DAB1: variants seen among roughly 807,000 people sequenced by gnomAD.
DAB1 encodes disabled homolog 1.
A neutral mutation model predicts 64.6 loss-of-function variants in DAB1; 15 were observed. That is an observed-to-expected ratio of 0.23 (90% CI 0.16 to 0.36). The LOEUF is 0.36. DAB1 is among the 10% of genes least tolerant of loss of function. The pLI is 1.00. For missense variants in DAB1, 596 were observed against 706.7 expected, an observed-to-expected ratio of 0.84 and a Z score of 1.78; for synonymous variants, 235 against 251.9, an observed-to-expected ratio of 0.93 and a Z score of 0.64.
At chr1:57,031,867 C>G (rs982485628) in intron 9 of DAB1, among the ~76,000 whole-genome samples, 12 of 152,184 alleles carry the variant, frequency 7.9e-5, no homozygotes, top group Admixed American at 5.2e-4. Context: ...AGAGATGTAG[C>G]TGGAGATGGC....
chr1:57,306,371 A>G (rs1345182893), intron 1 of DAB1, among the ~76,000 whole-genome samples: 1 of 152,196 alleles, frequency 6.6e-6, no homozygotes, highest in Admixed American at 6.5e-5. Flanking sequence ...TTCTAATAAG[A>G]TGCAAGAAAG....
chr1:58,412,945 G>C (rs1353911246), intron 3 of DAB1, among the ~76,000 whole-genome samples: 1 of 152,202 alleles, frequency 6.6e-6, no homozygotes, highest in Non-Finnish European at 1.5e-5. Flanking sequence ...AATGAAGAGA[G>C]ACCTATTTAA....
intron 3 of DAB1, among the ~76,000 whole-genome samples, chr1:58,401,688 T>C (rs1358935695): frequency 6.6e-6 from 1 of 152,232 alleles, no homozygotes; most frequent in Non-Finnish European, 1.5e-5. Flanking sequence ...TGATGAAGGT[T>C]GATTGAATGA....
intron 1 of DAB1, among the ~76,000 whole-genome samples, chr1:57,335,168 AC>A (rs1445123612): frequency 3.9e-5 from 6 of 152,210 alleles, no homozygotes; most frequent in Non-Finnish European, 5.9e-5. Flanking sequence ...TCTTCTGGAG[AC>A]AGGAAAATAC....
chr1:57,720,729 T>A (rs1647140628), intron 6 of DAB1, among the ~76,000 whole-genome samples: 1 of 152,254 alleles, frequency 6.6e-6, no homozygotes, highest in African/African-American at 2.4e-5. Context: ...TTATTTATTT[T>A]TCTTGTCATC....
intron 5 of DAB1, among the ~76,000 whole-genome samples, chr1:58,083,394 T>C (rs1361723782): frequency 6.6e-6 from 1 of 152,236 alleles, no homozygotes; most frequent in Non-Finnish European, 1.5e-5. Context: ...GGCACTCTAG[T>C]ATTATGAAGG....
intron 3 of DAB1, among the ~76,000 whole-genome samples, chr1:58,451,918 T>C (rs1384312187): frequency 7.1e-6 from 1 of 140,140 alleles, no homozygotes; most frequent in Non-Finnish European, 1.5e-5. Context: ...TTTTTTTCTT[T>C]CCTTTTTTTT....
At chr1:57,564,271 C>T (rs1291983988) in intron 7 of DAB1, among the ~76,000 whole-genome samples, 1 of 152,134 alleles carries the variant, frequency 6.6e-6, no homozygotes, top group Non-Finnish European at 1.5e-5. Flanking sequence ...ACATCCACAC[C>T]AAAACCCCAT....
At chr1:57,432,476 A>G (rs1421144518) in intron 7 of DAB1, among the ~76,000 whole-genome samples, 3 of 152,222 alleles carry the variant, frequency 2.0e-5, no homozygotes, top group Non-Finnish European at 4.4e-5. Context: ...AACTGGAAAA[A>G]AAATGCTTTC....
At chr1:57,236,421 C>T (rs901247692) in intron 2 of DAB1, among the ~76,000 whole-genome samples, 2 of 152,006 alleles carry the variant, frequency 1.3e-5, no homozygotes, top group Non-Finnish European at 2.9e-5. Context: ...AAAGAAGGGG[C>T]CAACTTGTAG....
intron 6 of DAB1, among the ~76,000 whole-genome samples, chr1:57,707,433 C>T (rs1471832443): frequency 6.7e-6 from 1 of 149,826 alleles, no homozygotes; most frequent in Non-Finnish European, 1.5e-5. Context: ...TATTGAGGGG[C>T]ATTTTGTTTA....
intron 1 of DAB1, among the ~76,000 whole-genome samples, chr1:58,529,429 T>C (rs1462326337): frequency 1.3e-5 from 2 of 152,252 alleles, no homozygotes; most frequent in African/African-American, 4.8e-5. Flanking sequence ...ACTTTCAGTA[T>C]TACAGTGTTT....
intron 4 of DAB1, among the ~76,000 whole-genome samples, chr1:57,076,673 T>C (rs887186283): frequency 2.0e-5 from 3 of 152,238 alleles, no homozygotes; most frequent in African/African-American, 7.2e-5. Context: ...TGCCCTGGCC[T>C]GCGCTTCATC....
At chr1:58,185,831 T>C (rs1657043818) in intron 4 of DAB1, among the ~76,000 whole-genome samples, 1 of 152,166 alleles carries the variant, frequency 6.6e-6, no homozygotes, top group African/African-American at 2.4e-5. Context: ...CTCTACAATC[T>C]ATATGACCTT....
chr1:57,401,688 G>A (rs190076956), intron 1 of DAB1, among the ~76,000 whole-genome samples: 69 of 152,260 alleles, frequency 4.5e-4, no homozygotes, highest in Non-Finnish European at 9.1e-4. Flanking sequence ...GAATATGTAG[G>A]TCCAGAGAGC....
intron 1 of DAB1, among the ~76,000 whole-genome samples, chr1:57,408,485 A>G (rs1350619693): frequency 6.6e-6 from 1 of 152,138 alleles, no homozygotes; most frequent in Non-Finnish European, 1.5e-5. Flanking sequence ...TTTTACCACT[A>G]AATGAGTTAC....
At position 57,683,300 on chromosome 1, in the gene DAB1, C is replaced by T. The variant is rs541666043; in HGVS notation, n.552-33635G>A. 1.2e-4 allele frequency among the ~76,000 whole-genome samples: 18 copies of T among 152,242 alleles called. No individual in the cohort carries two copies. In the South Asian group the frequency reaches 3.7e-3, roughly 32 times the overall value. Reference sequence around the variant, plus strand: ...TGCCCGAGCGAGCCCCACAACCTGGCACACTAACAAAAGAAACATGAGTGC... The same window carrying T: ...TGCCCGAGCGAGCCCCACAACCTGGTACACTAACAAAAGAAACATGAGTGC... On this transcript the variant is annotated intron_variant and non_coding_transcript_variant, in intron 6 of 20. Transcript: ENST00000485760.
chr1:58,355,240 C>CA (rs1644098960), intron 3 of DAB1, among the ~76,000 whole-genome samples: 1 of 152,152 alleles, frequency 6.6e-6, no homozygotes, highest in Non-Finnish European at 1.5e-5. Context: ...AGCCTTTTTC[C>CA]AAACTCACCA....
intron 7 of DAB1, among the ~76,000 whole-genome samples, chr1:57,518,652 T>G (rs769026549): frequency 5.9e-5 from 9 of 152,148 alleles, no homozygotes; most frequent in Non-Finnish European, 7.3e-5. Context: ...AAGCAAGCTC[T>G]CGTGTGTCCT....
Sources: allele counts gnomAD v4.1 joint callset (sites outside exome capture counted in the v4.1 genomes callset), GRCh38; gene constraint gnomAD v4.1.1; transcripts MANE v1.5; gene names NCBI Gene and HGNC (gene_info 2026-07-23, HGNC 2026-07-21).